Variants in IKBKB-DT observed in about 807,000 individuals in gnomAD.
IKBKB-DT encodes IKBKB divergent transcript, also known as IKBKB antisense RNA.
chr8:42,238,658 T>C (rs990471488), intron 3 of IKBKB-DT, among the ~76,000 whole-genome samples: 2 of 152,358 alleles, frequency 1.3e-5, no homozygotes, highest in South Asian at 4.1e-4. Context: ...GATAACATCC[T>C]TGTTGTAGAA....
chr8:42,237,294 C>T (rs749258784), intron 3 of IKBKB-DT, among the ~76,000 whole-genome samples: 1 of 151,988 alleles, frequency 6.6e-6, no homozygotes, highest in Non-Finnish European at 1.5e-5. Context: ...ATCATGTTAG[C>T]CAGACTGGTC....
chr8:42,234,441 T>C (rs751991371), intron 3 of IKBKB-DT, among the ~76,000 whole-genome samples: 1 of 152,140 alleles, frequency 6.6e-6, no homozygotes, highest in Non-Finnish European at 1.5e-5. Flanking sequence ...GACAAGAAAA[T>C]GTGATTATTT....
chr8:42,237,460 T>G (rs1408057359), intron 3 of IKBKB-DT, among the ~76,000 whole-genome samples: 1 of 152,184 alleles, frequency 6.6e-6, no homozygotes, highest in Non-Finnish European at 1.5e-5. Context: ...AGGGGTATAA[T>G]GGGGCATATC....
intron 2 of IKBKB-DT, among the ~76,000 whole-genome samples, chr8:42,264,567 C>G (rs1281103036): frequency 1.3e-5 from 2 of 152,128 alleles, no homozygotes; most frequent in Non-Finnish European, 2.9e-5. Flanking sequence ...TTTAATTTAA[C>G]TTAATTTAAC....
At chr8:42,251,106 A>T (rs1204794151) in intron 3 of IKBKB-DT, among the ~76,000 whole-genome samples, 1 of 152,200 alleles carries the variant, frequency 6.6e-6, no homozygotes, top group Admixed American at 6.5e-5. Context: ...CTACTGCTAG[A>T]AATACCAAAA....
intron 3 of IKBKB-DT, chr8:42,255,497 G>A (rs1807186355): frequency 6.6e-6 from 1 of 152,148 alleles, no homozygotes; most frequent in Non-Finnish European, 1.5e-5. Flanking sequence ...CTGCCAGGAA[G>A]TGACCTTTCT....
intron 3 of IKBKB-DT, among the ~76,000 whole-genome samples, chr8:42,258,238 A>G (rs1563277889): frequency 1.3e-5 from 2 of 152,168 alleles, no homozygotes; most frequent in Non-Finnish European, 2.9e-5. Flanking sequence ...CTTATAATAA[A>G]TTGATTCAAT....
At chr8:42,260,599 C>T (rs530253332) in intron 3 of IKBKB-DT, among the ~76,000 whole-genome samples, 4 of 140,718 alleles carry the variant, frequency 2.8e-5, no homozygotes, top group East Asian at 2.2e-4. Flanking sequence ...GACTCTGGGG[C>T]GCAGAGGTTG....
At chr8:42,258,503 C>T (rs932321156) in intron 3 of IKBKB-DT, among the ~76,000 whole-genome samples, 8 of 150,010 alleles carry the variant, frequency 5.3e-5, no homozygotes, top group Admixed American at 6.7e-5. Context: ...CTCACTCTGT[C>T]GCCCAGGCTG....
chr8:42,238,078 AACAAGGCTACCCC>A (rs1319850816), intron 3 of IKBKB-DT, among the ~76,000 whole-genome samples: 1 of 149,654 alleles, frequency 6.7e-6, no homozygotes, highest in Non-Finnish European at 1.5e-5. Flanking sequence ...GACCAGGGGT[AACAAGGCTACCCC>A]ACAACTCAGT....
At chr8:42,238,534 G>A (rs1456066544) in intron 3 of IKBKB-DT, among the ~76,000 whole-genome samples, 1 of 152,230 alleles carries the variant, frequency 6.6e-6, no homozygotes, top group East Asian at 1.9e-4. Flanking sequence ...TGCAGGTGTA[G>A]TTAAATGATA....
At chr8:42,241,036 A>G (rs969267722) in intron 3 of IKBKB-DT, among the ~76,000 whole-genome samples, 4 of 152,000 alleles carry the variant, frequency 2.6e-5, no homozygotes, top group African/African-American at 9.7e-5. Flanking sequence ...TTCCAATTCA[A>G]CCTTCTTTTC....
intron 3 of IKBKB-DT, among the ~76,000 whole-genome samples, chr8:42,260,793 T>C (rs1230195116): frequency 5.3e-5 from 8 of 152,176 alleles, no homozygotes; most frequent in Non-Finnish European, 1.0e-4. Context: ...CTTTTTCTTT[T>C]ACAGAAAATG....
At chr8:42,260,204 A>G (rs1807265323) in intron 3 of IKBKB-DT, among the ~76,000 whole-genome samples, 1 of 152,178 alleles carries the variant, frequency 6.6e-6, no homozygotes, top group Non-Finnish European at 1.5e-5. Flanking sequence ...GGTTGAGCAC[A>G]TAGACAGTGG....
At chr8:42,246,768 T>C (rs114604193) in intron 3 of IKBKB-DT, among the ~76,000 whole-genome samples, 2,648 of 152,288 alleles carry the variant, frequency 0.017, 62 homozygotes, top group African/African-American at 0.06. Flanking sequence ...ACTGGTTTCT[T>C]ATAGCAGCAG....
exon 2 of IKBKB-DT, chr8:42,266,090 C>A (rs995254576): frequency 6.6e-6 from 1 of 152,290 alleles, no homozygotes; most frequent in South Asian, 2.1e-4. Context: ...ACTTTCTAAA[C>A]TAGTTTCTCC....
Position 42,241,224 on chromosome 8 carries a change from C to CTTTTTTTTTTTTTTTTTTTTTTTTTTTT in IKBKB-DT, n.1530-7393_1530-7366dup, listed in dbSNP as rs773177896. 1.5e-4 allele frequency among the ~76,000 whole-genome samples: 7 copies of CTTTTTTTTTTTTTTTTTTTTTTTTTTTT among 45,678 alleles called. 3 individuals carry two copies. The highest frequency in any genetic ancestry group is 3.2e-4 in the Non-Finnish European group (7 of 22,100). The allele number at this position is 45,678 out of a possible 152,430, so 30.0% of individuals were successfully genotyped here. A position where few individuals can be genotyped will look rare whatever the true frequency, so the allele number is the denominator to read the frequency against. On this transcript the variant is annotated intron_variant and non_coding_transcript_variant, in intron 3 of 3. Coordinates refer to ENST00000518213, the Ensembl canonical transcript of IKBKB-DT. Reference sequence around the variant, plus strand: ...TTGATGCCTTTAGATATGTTGGAATCTTTTTTTTTTTTTTTTTTTTTTTTT... The same window carrying CTTTTTTTTTTTTTTTTTTTTTTTTTTTT: ...TTGATGCCTTTAGATATGTTGGAATCTTTTTTTTTTTTTTTTTTTTTTTTTTTTTTTTTTTTTTTTTTTTTTTTTTTTT...
At chr8:42,247,673 T>C (rs1431992642) in intron 3 of IKBKB-DT, among the ~76,000 whole-genome samples, 2 of 151,778 alleles carry the variant, frequency 1.3e-5, no homozygotes, top group Non-Finnish European at 1.5e-5. Context: ...TGGTGGGAGG[T>C]GATTGGATCA....
chr8:42,239,460 T>C lies in IKBKB-DT; in HGVS notation n.1530-5601A>G, dbSNP rs141325517. Among the ~76,000 whole-genome samples the C allele has an allele frequency of 5.2e-3, 791 of 151,558 alleles. 4 individuals are homozygous for C. The highest frequency in any genetic ancestry group is 0.018 in the African/African-American group (731 of 41,356). ...AGCTCAGCCTAATTTAAAGTGTTTTTAAATTGGACCTCCTTTATATTGTAT... is the reference window on the plus strand; with the variant it reads ...AGCTCAGCCTAATTTAAAGTGTTTTCAAATTGGACCTCCTTTATATTGTAT... On this transcript the variant is annotated intron_variant and non_coding_transcript_variant, in intron 3 of 3. Coordinates refer to ENST00000518213, the Ensembl canonical transcript of IKBKB-DT.
Sources: gnomAD v4.1 joint callset for allele counts (sites outside exome capture counted in the v4.1 genomes callset) on GRCh38, gnomAD v4.1.1 for gene constraint, MANE v1.5 for transcripts, NCBI Gene and HGNC (gene_info 2026-07-23, HGNC 2026-07-21) for gene names.